DNER: variants seen among roughly 807,000 people sequenced by gnomAD.
DNER encodes delta/notch like EGF repeat containing.
A neutral mutation model predicts 78.2 loss-of-function variants in DNER; 33 were observed. That is an observed-to-expected ratio of 0.42 (90% CI 0.32 to 0.56). The LOEUF (loss-of-function observed/expected upper bound fraction) is 0.56, where lower values mean the gene tolerates loss of function less well. DNER is among the 20% of genes least tolerant of loss of function. The pLI is 0.11. For missense variants in DNER, 918 were observed against 975.3 expected, an observed-to-expected ratio of 0.94 and a Z score of 0.78; for synonymous variants, 417 against 384.8, an observed-to-expected ratio of 1.08 and a Z score of -0.98.
intron 9 of DNER, among the ~76,000 whole-genome samples, chr2:229,408,377 T>G (rs1402181203): frequency 6.6e-6 from 1 of 152,150 alleles, no homozygotes; most frequent in Non-Finnish European, 1.5e-5. Flanking sequence ...GATGCCAAGA[T>G]GGATGAATAG....
At chr2:229,460,878 T>C (rs986844627) in intron 7 of DNER, among the ~76,000 whole-genome samples, 2 of 152,106 alleles carry the variant, frequency 1.3e-5, no homozygotes, top group African/African-American at 2.4e-5. Context: ...ACAATGTATA[T>C]TCAGAAGAAG....
rs977923710 is a variant in DNER, at chr2:229,431,640, T to C, written c.1487-13410A>G. ...AAAAGAGGAGGACTAAAAAGATAAG[T>C]GTGGGGAGGGGGGAGGGATAGCATT... On this transcript the variant is annotated intron_variant, in intron 8 of 12. Coordinates refer to ENST00000341772, the MANE Select transcript of DNER (RefSeq NM_139072.4). Among the ~76,000 whole-genome samples the C allele has an allele frequency of 3.4e-5, 3 of 87,200 alleles. No individual in the cohort carries two copies. The South Asian group carries it at 1.3e-3, about 37-fold the overall frequency. 57.2% of individuals were successfully genotyped at this position (87,200 alleles called of 152,430 possible). A position where few individuals can be genotyped will look rare whatever the true frequency, so the allele number is the denominator to read the frequency against.
At chr2:229,369,790 A>G (rs1692439401) in intron 11 of DNER, among the ~76,000 whole-genome samples, 1 of 152,224 alleles carries the variant, frequency 6.6e-6, no homozygotes, top group Admixed American at 6.5e-5. Flanking sequence ...CTATCTAGAT[A>G]GCGTATACAA....
intron 4 of DNER, among the ~76,000 whole-genome samples, chr2:229,570,225 G>T (rs374116751): frequency 6.6e-6 from 1 of 152,140 alleles, no homozygotes; most frequent in South Asian, 2.1e-4. Flanking sequence ...TATGAACCAG[G>T]TACTGAAATA....
At chr2:229,363,656 C>T (rs1014344073) in intron 12 of DNER, among the ~76,000 whole-genome samples, 1 of 152,208 alleles carries the variant, frequency 6.6e-6, no homozygotes. Context: ...TAAATCAGCA[C>T]CAAATAAGAG....
At position 229,594,927 on chromosome 2, in the gene DNER, C is replaced by T. The variant is rs1469123844; in HGVS notation, c.277-3039G>A. On this transcript the variant is annotated intron_variant, in intron 1 of 12. Coordinates refer to ENST00000341772, the MANE Select transcript of DNER (RefSeq NM_139072.4). ...AGGACTTACTATGACAAGAACTGTA[C>T]CAGGTCTCGGTATAAAATGCTGTTT... Among the ~76,000 whole-genome samples, 4 of 131,020 alleles carry T rather than the reference C, an allele frequency of 3.1e-5. No individual in the cohort carries two copies. In the East Asian group the frequency reaches 9.6e-4, roughly 31 times the overall value. 86.0% of individuals were successfully genotyped at this position (131,020 alleles called of 152,430 possible). A position where few individuals can be genotyped will look rare whatever the true frequency, so the allele number is the denominator to read the frequency against.
intron 8 of DNER, among the ~76,000 whole-genome samples, chr2:229,428,293 C>T (rs1000498069): frequency 1.3e-5 from 2 of 151,830 alleles, no homozygotes; most frequent in Non-Finnish European, 2.9e-5. Context: ...CGGGAAATCA[C>T]GGCTGGGATG....
intron 11 of DNER, among the ~76,000 whole-genome samples, chr2:229,385,630 G>A (rs970735802): frequency 1.3e-5 from 2 of 152,084 alleles, no homozygotes; most frequent in Non-Finnish European, 2.9e-5. Flanking sequence ...AAAGTCTCAG[G>A]ATACAAAATC....
At chr2:229,584,479 T>C (rs1310889820) in intron 4 of DNER, among the ~76,000 whole-genome samples, 1 of 151,864 alleles carries the variant, frequency 6.6e-6, no homozygotes, top group Admixed American at 6.6e-5. Context: ...ACCCCAAAGG[T>C]ACTATATGCT....
At chr2:229,553,489 G>A (rs965924614) in intron 4 of DNER, among the ~76,000 whole-genome samples, 1 of 152,198 alleles carries the variant, frequency 6.6e-6, no homozygotes, top group African/African-American at 2.4e-5. Flanking sequence ...GAGCAGTGGG[G>A]ACAAGACAAA....
intron 11 of DNER, among the ~76,000 whole-genome samples, chr2:229,379,473 G>A (rs1470533858): frequency 6.6e-6 from 1 of 152,052 alleles, no homozygotes; most frequent in Non-Finnish European, 1.5e-5. Context: ...TCCATATTTT[G>A]CCTACATTAT....
chr2:229,623,872 T>G (rs1447349687), intron 1 of DNER, among the ~76,000 whole-genome samples: 2 of 152,222 alleles, frequency 1.3e-5, no homozygotes, highest in Non-Finnish European at 2.9e-5. Flanking sequence ...CATTCCTCTC[T>G]AAGAATCACA....
In DNER at chr2:229,704,619, A is replaced by G. The variant is rs200731679; in HGVS notation, c.276+9529T>C. Reference sequence around the variant, plus strand: ...TGTATGACGTTCTAGAAAAAATGCAAAACTATAGTGATGGAAATCAGACCA... The same window carrying G: ...TGTATGACGTTCTAGAAAAAATGCAGAACTATAGTGATGGAAATCAGACCA... On this transcript the variant is annotated intron_variant, in intron 1 of 12. Transcript: ENST00000341772. Among the ~76,000 whole-genome samples, 47 of 152,352 alleles carry G rather than the reference A, an allele frequency of 3.1e-4. 1 individual carries two copies. The East Asian group carries it at 7.9e-3, about 26-fold the overall frequency.
At chr2:229,385,742 A>G (rs1474431660) in intron 11 of DNER, among the ~76,000 whole-genome samples, 4 of 152,232 alleles carry the variant, frequency 2.6e-5, no homozygotes, top group Non-Finnish European at 4.4e-5. Context: ...AGAATAAAAT[A>G]CATAAGAATA....
intron 7 of DNER, among the ~76,000 whole-genome samples, chr2:229,452,345 C>A (rs947830713): frequency 1.3e-5 from 2 of 152,032 alleles, no homozygotes; most frequent in Admixed American, 1.3e-4. Flanking sequence ...ATGGAAGAGA[C>A]GACAGAGCCC....
intron 5 of DNER, among the ~76,000 whole-genome samples, chr2:229,543,551 C>T (rs1396347791): frequency 1.3e-5 from 2 of 152,222 alleles, no homozygotes; most frequent in African/African-American, 2.4e-5. Context: ...GGACATTTCT[C>T]TCGTGCCAAT....
intron 12 of DNER, among the ~76,000 whole-genome samples, chr2:229,362,373 C>T (rs1692236251): frequency 6.6e-6 from 1 of 152,134 alleles, no homozygotes; most frequent in Non-Finnish European, 1.5e-5. Context: ...CTGAACACTT[C>T]GTTGCAACCT....
At chr2:229,372,811 G>A (rs1692515862) in intron 11 of DNER, among the ~76,000 whole-genome samples, 1 of 152,202 alleles carries the variant, frequency 6.6e-6, no homozygotes, top group Middle Eastern at 3.4e-3. Flanking sequence ...AGAGAGAGGG[G>A]AATGGATGTG....
chr2:229,699,942 A>T (rs1032538320), intron 1 of DNER, among the ~76,000 whole-genome samples: 1 of 152,184 alleles, frequency 6.6e-6, no homozygotes, highest in African/African-American at 2.4e-5. Context: ...AGGGAAAAAG[A>T]GATTTACAAC....
Sources: allele counts gnomAD v4.1 joint callset (sites outside exome capture counted in the v4.1 genomes callset), GRCh38; gene constraint gnomAD v4.1.1; transcripts MANE v1.5; gene names NCBI Gene and HGNC (gene_info 2026-07-23, HGNC 2026-07-21).